PTPRG: variants seen among roughly 807,000 people sequenced by gnomAD.
The protein encoded by PTPRG is protein tyrosine phosphatase receptor type G.
PTPRG carries 102 observed loss-of-function variants against 165.3 expected under a neutral mutation model. The ratio of observed to expected loss-of-function variants is 0.62; its 90% CI spans 0.53 to 0.73. The LOEUF is 0.73. Among genes scored for constraint, PTPRG ranks in the 30% least tolerant of loss-of-function variants. The pLI is 0.00. For synonymous variants in PTPRG, 675 were observed against 669.5 expected, an observed-to-expected ratio of 1.01 and a Z score of -0.13; for missense variants, 1,866 against 1,861.4, an observed-to-expected ratio of 1.00 and a Z score of -0.05.
intron 1 of PTPRG, among the ~76,000 whole-genome samples, chr3:61,563,144 CGGTTTCGGCGGCCGG>C (rs1699808523): frequency 6.3e-5 from 1 of 15,804 alleles, no homozygotes; most frequent in African/African-American, 1.3e-4. Flanking sequence ...GGGGCGGGGG[CGGTTTCGGCGGCCGG>C]GGCGGTTTCG....
At chr3:61,571,648 A>G (rs1700059433) in intron 1 of PTPRG, among the ~76,000 whole-genome samples, 1 of 152,042 alleles carries the variant, frequency 6.6e-6, no homozygotes, top group Non-Finnish European at 1.5e-5. Context: ...TTTTTTTGAC[A>G]CTACTCCTCT....
rs34153657 is a variant in PTPRG at position 61,680,501 on chromosome 3, G to GAAAAAAA, written c.86-68366_86-68360dup. On this transcript the variant is annotated intron_variant, in intron 1 of 29. Transcript: ENST00000474889. ...CATGTTGGCAATTATTCAGCTTTATGAAAAAAAAAAAAAAAAACACAAAAA... is the reference window on the plus strand; with the variant it reads ...CATGTTGGCAATTATTCAGCTTTATGAAAAAAAAAAAAAAAAAAAAAAAACACAAAAA... 1.2e-4 allele frequency among the ~76,000 whole-genome samples: 10 copies of GAAAAAAA among 85,214 alleles called. 2 individuals are homozygous for GAAAAAAA. Among genetic ancestry groups the GAAAAAAA allele is most frequent in the Admixed American group, 3.0e-4 (2 of 6,572 alleles). The allele number at this position is 85,214 out of a possible 152,430, so 55.9% of individuals were successfully genotyped here. A position where few individuals can be genotyped will look rare whatever the true frequency, so the allele number is the denominator to read the frequency against.
chr3:62,179,269 TCTC>T (rs1705558690), intron 8 of PTPRG, among the ~76,000 whole-genome samples: 1 of 152,178 alleles, frequency 6.6e-6, no homozygotes, highest in Non-Finnish European at 1.5e-5. Flanking sequence ...TCTTATTCCT[TCTC>T]AGCACAGCCA....
intron 13 of PTPRG, 50 bp from the exon 14 acceptor site, chr3:62,231,175 T>G: frequency 7.2e-7 from 1 of 1,380,034 alleles, no homozygotes. Flanking sequence ...GGTGGCCAAT[T>G]GAAAATACTG....
intron 1 of PTPRG, among the ~76,000 whole-genome samples, chr3:61,690,135 T>G (rs2030092832): frequency 6.6e-6 from 1 of 152,218 alleles, no homozygotes; most frequent in African/African-American, 2.4e-5. Flanking sequence ...CTTCTGGCAT[T>G]ATCCGCAACC....
intron 2 of PTPRG, among the ~76,000 whole-genome samples, chr3:61,962,950 C>G (rs2040187587): frequency 6.6e-6 from 1 of 152,060 alleles, no homozygotes; most frequent in Non-Finnish European, 1.5e-5. Context: ...ATTTGAAAGT[C>G]AAAATAATGT....
At chr3:61,748,751 T>G in intron 1 of PTPRG, 127 bp from the exon 2 acceptor site, 1 of 624,320 alleles carries the variant, frequency 1.6e-6, no homozygotes, top group Non-Finnish European at 2.8e-6. Context: ...GTAAAATAAG[T>G]TGGTTCTAGT....
chr3:61,596,772 CAATT>C (rs1355232456), intron 1 of PTPRG, among the ~76,000 whole-genome samples: 3 of 143,818 alleles, frequency 2.1e-5, no homozygotes, highest in East Asian at 2.0e-4. Flanking sequence ...TTTAGAGTCT[CAATT>C]AGTTTATTAT....
At chr3:62,280,354 T>C (rs1702388387) in intron 26 of PTPRG, among the ~76,000 whole-genome samples, 1 of 151,888 alleles carries the variant, frequency 6.6e-6, no homozygotes, top group South Asian at 2.1e-4. Context: ...TATACAAAAT[T>C]TGTACAGAAC....
At chr3:61,994,568 G>A (rs1393087282) in intron 3 of PTPRG, among the ~76,000 whole-genome samples, 1 of 152,192 alleles carries the variant, frequency 6.6e-6, no homozygotes. Context: ...GGGAAGTCAA[G>A]AGTCATTTTC....
At chr3:62,141,138 T>A (rs1703911377) in intron 6 of PTPRG, among the ~76,000 whole-genome samples, 2 of 152,138 alleles carry the variant, frequency 1.3e-5, no homozygotes, top group African/African-American at 4.8e-5. Context: ...ATATTAAAAA[T>A]CTTGACAGTG....
chr3:62,291,773 A>T (rs1419781312), intron 28 of PTPRG, among the ~76,000 whole-genome samples: 1 of 152,130 alleles, frequency 6.6e-6, no homozygotes, highest in African/African-American at 2.4e-5. Context: ...ATTCTTGTGA[A>T]AAGTGGAGTT....
At chr3:61,936,451 G>C (rs901467403) in intron 2 of PTPRG, among the ~76,000 whole-genome samples, 3 of 152,160 alleles carry the variant, frequency 2.0e-5, no homozygotes, top group Admixed American at 6.5e-5. Context: ...CTTTGACCAG[G>C]TGGGACCATG....
At chr3:62,023,767 T>C (rs867658761) in intron 4 of PTPRG, among the ~76,000 whole-genome samples, 2 of 152,156 alleles carry the variant, frequency 1.3e-5, no homozygotes, top group African/African-American at 2.4e-5. Context: ...ACCTACTGTT[T>C]TGAGGTGAGC....
intron 4 of PTPRG, among the ~76,000 whole-genome samples, chr3:62,051,565 C>A (rs527329388): frequency 6.6e-6 from 1 of 152,092 alleles, no homozygotes; most frequent in Admixed American, 6.6e-5. Flanking sequence ...TTCCAGGGCC[C>A]CCCTTGAGAC....
rs751100016 is a variant in PTPRG at position 62,272,972 on chromosome 3, A to G, written c.3209A>G (p.Tyr1070Cys). 1 of 1,613,232 alleles carries G rather than the reference A, an allele frequency of 6.2e-7. No homozygotes were observed. Among genetic ancestry groups the G allele is most frequent in the Non-Finnish European group, 8.5e-7 (1 of 1,179,562 alleles). ...CSAGVGRTGT[Y>C]IVIDSMLQQI... ...GCTGGTGTGGGCAGAACAGGCACCTATATTGTAATAGACAGCATGCTGCAA... is the reference window on the plus strand; with the variant it reads ...GCTGGTGTGGGCAGAACAGGCACCTGTATTGTAATAGACAGCATGCTGCAA... The change falls in exon 22 of 30, where the codon TAT becomes TGT. Residue 1070 changes from tyrosine (Y) to cysteine (C), a missense_variant. Physicochemically the swap from Tyr to Cys is radical, Grantham distance 194. Transcript: ENST00000474889.
chr3:62,182,555 AG>A (rs1205184426), intron 8 of PTPRG, among the ~76,000 whole-genome samples: 3 of 152,196 alleles, frequency 2.0e-5, no homozygotes, highest in South Asian at 2.1e-4. Context: ...TGTCATCTCC[AG>A]GGGGTCAGGA....
chr3:62,066,979 A>G lies in PTPRG; in HGVS notation c.520-11184A>G, dbSNP rs185729992. On this transcript the variant is annotated intron_variant, in intron 4 of 29. Coordinates refer to ENST00000474889, the MANE Select transcript of PTPRG (RefSeq NM_002841.4). The stretch of plus-strand genomic sequence containing the variant: ...CCTGGACTCAGGAGGAGGAGGTTGC[A>G]GTGAGCCGAGATCACGCCACTGCAC... 1.9e-3 allele frequency among the ~76,000 whole-genome samples: 270 copies of G among 145,694 alleles called. 4 individuals carry two copies. Among genetic ancestry groups the G allele is most frequent in the East Asian group, 0.018 (82 of 4,620 alleles).
At chr3:62,278,302 G>A (rs963917427) in intron 26 of PTPRG, among the ~76,000 whole-genome samples, 1 of 151,802 alleles carries the variant, frequency 6.6e-6, no homozygotes, top group Admixed American at 6.6e-5. Context: ...CCACTCCATA[G>A]GCAAGTCAGG....
Sources: allele counts gnomAD v4.1 joint callset (sites outside exome capture counted in the v4.1 genomes callset), GRCh38; gene constraint gnomAD v4.1.1; transcripts MANE v1.5; gene names NCBI Gene and HGNC (gene_info 2026-07-23, HGNC 2026-07-21).